Variants in IVD observed in about 807,000 individuals in gnomAD.
The protein encoded by IVD is isovaleryl-CoA dehydrogenase.
Under a neutral mutation model 51.3 loss-of-function variants are expected in IVD, and 31 were observed. The ratio of observed to expected loss-of-function variants is 0.60; its 90% CI spans 0.45 to 0.81. The LOEUF (loss-of-function observed/expected upper bound fraction) is 0.81, where lower values mean the gene tolerates loss of function less well. Ranked by LOEUF, IVD falls within the 40% of genes least tolerant of loss-of-function variation. The pLI is 0.00. For synonymous variants in IVD, 205 were observed against 219.4 expected (o/e 0.93, Z 0.58); for missense variants, 475 against 552.0 (o/e 0.86, Z 1.40).
downstream of IVD, among the ~76,000 whole-genome samples, chr15:40,427,796 C>T (rs891095725): frequency 6.6e-6 from 1 of 152,164 alleles, no homozygotes; most frequent in African/African-American, 2.4e-5. Flanking sequence ...TCATAACTGG[C>T]CTGCATCCTG....
At chr15:40,429,744 C>T (rs911726576) in intron 7 of IVD, among the ~76,000 whole-genome samples, 1 of 152,200 alleles carries the variant, frequency 6.6e-6, no homozygotes, top group Non-Finnish European at 1.5e-5. Context: ...GGGGGAATCT[C>T]AAGGCTTCGC....
downstream of IVD, among the ~76,000 whole-genome samples, chr15:40,426,658 T>C (rs1380036128): frequency 6.6e-6 from 1 of 152,192 alleles, no homozygotes; most frequent in Non-Finnish European, 1.5e-5. Context: ...ATGCACCTGA[T>C]CAACCTTACT....
chr15:40,413,714 G>C (rs1296479313), intron 7 of IVD, among the ~76,000 whole-genome samples: 2 of 151,232 alleles, frequency 1.3e-5, no homozygotes, highest in Non-Finnish European at 2.9e-5. Context: ...TTTTGAGAAG[G>C]AGTCTTGGCT....
chr15:40,433,875 G>A (rs771498268), exon 8 of IVD: 3 of 456,720 alleles, frequency 6.6e-6, no homozygotes, highest in South Asian at 4.6e-5. Context: ...GGATCTTGGA[G>A]TGTGTTCAGT....
rs1395936907 is a variant in IVD, at chr15:40,421,105, T to C, written c.*2842T>C. 1 of 985,302 alleles carries C rather than the reference T, an allele frequency of 1.0e-6. No individual in the cohort carries two copies. Among genetic ancestry groups the C allele is most frequent in the African/African-American group, 1.7e-5 (1 of 57,238 alleles). 61.0% of individuals were successfully genotyped at this position (985,302 alleles called of 1,614,324 possible). A position where few individuals can be genotyped will look rare whatever the true frequency, so the allele number is the denominator to read the frequency against. ...CACTTCCTTGTCTTGCTCCCTGCTA[T>C]GTTGGAGATGAATGTGACTAAAAGG... On this transcript the variant is annotated 3_prime_UTR_variant, in exon 12 of 12. Transcript: ENST00000487418.
chr15:40,417,257 C>T (rs929480565), intron 11 of IVD, among the ~76,000 whole-genome samples: 1 of 150,606 alleles, frequency 6.6e-6, no homozygotes, highest in Admixed American at 6.6e-5. Context: ...CCTGTAATCC[C>T]AGCACTTTGG....
At chr15:40,422,049 C>A (rs1425508039), downstream of IVD, among the ~76,000 whole-genome samples, 1 of 152,232 alleles carries the variant, frequency 6.6e-6, no homozygotes, top group Non-Finnish European at 1.5e-5. Context: ...CTTCTTCGAG[C>A]GCAGCACTGG....
chr15:40,418,573 C>T lies in IVD; in HGVS notation c.*310C>T. On this transcript the variant is annotated 3_prime_UTR_variant, in exon 12 of 12. Transcript: ENST00000487418. ...CTCTCTAACTTCTGAGCCCACCTCC[C>T]AGGGTAGGCACCTGGGGGCATGCAG... 1.1e-6 allele frequency: 1 copy of T among 932,762 alleles called. No individual in the cohort carries two copies. Among genetic ancestry groups the T allele is most frequent in the Non-Finnish European group, 1.4e-6 (1 of 728,996 alleles). 57.8% of individuals were successfully genotyped at this position (932,762 alleles called of 1,614,324 possible). A position where few individuals can be genotyped will look rare whatever the true frequency, so the allele number is the denominator to read the frequency against.
At chr15:40,413,136 G>A (rs771977349) in intron 7 of IVD, 49 bp downstream of exon 7, 2 of 1,413,194 alleles carry the variant, frequency 1.4e-6, no homozygotes, top group Non-Finnish European at 2.0e-6. Flanking sequence ...CCCCTTCCAG[G>A]CTGATCTGGC....
At position 40,413,062 on chromosome 15, in the gene IVD, A is replaced by T. The variant is rs1237759561; in HGVS notation, c.759A>T (p.Leu253=). 4.3e-6 allele frequency: 7 copies of T among 1,613,812 alleles called. No homozygotes were observed. Among genetic ancestry groups the T allele is most frequent in the Non-Finnish European group, 5.9e-6 (7 of 1,179,946 alleles). Reference sequence around the variant, plus strand: ...TGAGGGGCTCTAACACCTGTGAGCTAATCTTTGAAGACTGCAAGATTCCTG... The same window carrying T: ...TGAGGGGCTCTAACACCTGTGAGCTTATCTTTGAAGACTGCAAGATTCCTG... The part of the protein sequence containing the change: ...LGMRGSNTCE[L]IFEDCKIPAA... The change falls in exon 7 of 12, where the codon CTA becomes CTT. Residue 253 remains leucine (L), a synonymous_variant. Coordinates refer to ENST00000487418, the MANE Select transcript of IVD (RefSeq NM_002225.5).
Position 40,415,387 on chromosome 15 carries a change from C to T in IVD, c.879-14C>T, listed in dbSNP as rs1891552933. The stretch of plus-strand genomic sequence containing the variant: ...ATGAGGAGGTGCCCACGGGGCCTTT[C>T]TCCTTTCTGACAGGCTCATGCAAGC... On this transcript the variant is annotated splice_polypyrimidine_tract_variant and intron_variant, in intron 8 of 11. Transcript: ENST00000487418. 3.1e-6 allele frequency: 5 copies of T among 1,613,102 alleles called. No individual in the cohort carries two copies. The highest frequency in any genetic ancestry group is 3.4e-6 in the Non-Finnish European group (4 of 1,179,172).
intron 11 of IVD, 99 bp from the exon 12 acceptor site, chr15:40,418,031 C>A: frequency 6.5e-7 from 1 of 1,528,342 alleles, no homozygotes; most frequent in East Asian, 2.3e-5. Context: ...TTTAATCACC[C>A]TCTCCTCCTG....
downstream of IVD, among the ~76,000 whole-genome samples, chr15:40,425,922 A>G (rs1892645360): frequency 6.7e-6 from 1 of 149,454 alleles, no homozygotes; most frequent in Non-Finnish European, 1.5e-5. Flanking sequence ...TGATTCTCCC[A>G]CTTCAGTCTC....
At chr15:40,426,862 A>G (rs908814467), downstream of IVD, among the ~76,000 whole-genome samples, 9 of 152,224 alleles carry the variant, frequency 5.9e-5, no homozygotes, top group African/African-American at 2.2e-4. Flanking sequence ...CATAAACCAC[A>G]TGTTGAACAA....
At position 40,413,011 on chromosome 15, in the gene IVD, C is replaced by G. The variant is rs535957881; in HGVS notation, c.708C>G (p.Thr236=). 3 of 1,614,058 alleles carry G rather than the reference C, an allele frequency of 1.9e-6. No individual in the cohort carries two copies. Among genetic ancestry groups the G allele is most frequent in the Non-Finnish European group, 2.5e-6 (3 of 1,179,932 alleles). Residue 236 remains threonine, a synonymous_variant, in exon 7 of 12, where the codon ACC becomes ACG. Transcript: ENST00000487418. ...TAAAGGGTATGCCTGGCTTTAGCACCTCTAAGAAGCTGGACAAGCTGGGGA... is the reference window on the plus strand; with the variant it reads ...TAAAGGGTATGCCTGGCTTTAGCACGTCTAAGAAGCTGGACAAGCTGGGGA... The part of the protein sequence containing the change: ...IVEKGMPGFS[T]SKKLDKLGMR...
At chr15:40,414,655 A>G (rs1891450629) in intron 7 of IVD, 10 of 547,384 alleles carry the variant, frequency 1.8e-5, no homozygotes. Flanking sequence ...AGATCTAACA[A>G]CTCTAGCCTT....
At chr15:40,424,636 GT>G (rs1892559172), downstream of IVD, among the ~76,000 whole-genome samples, 1 of 152,238 alleles carries the variant, frequency 6.6e-6, no homozygotes, top group African/African-American at 2.4e-5. Context: ...TGATTTGACT[GT>G]CTTTACATGA....
downstream of IVD, among the ~76,000 whole-genome samples, chr15:40,429,199 T>G (rs1892835304): frequency 6.6e-6 from 1 of 152,142 alleles, no homozygotes; most frequent in Admixed American, 6.5e-5. Context: ...CCCCTGCCAG[T>G]GGATGCTCTG....
downstream of IVD, among the ~76,000 whole-genome samples, chr15:40,425,440 C>CTATA (rs72252183): frequency 0.095 from 13,112 of 137,418 alleles, 731 homozygotes; most frequent in Non-Finnish European, 0.12. Context: ...TGGACTCATA[C>CTATA]TATATATATA....
Sources: gnomAD v4.1 joint callset for allele counts (sites outside exome capture counted in the v4.1 genomes callset) on GRCh38, gnomAD v4.1.1 for gene constraint, MANE v1.5 for transcripts, NCBI Gene and HGNC (gene_info 2026-07-23, HGNC 2026-07-21) for gene names.